HIP1: variants seen among roughly 807,000 people sequenced by gnomAD.
The protein encoded by HIP1 is huntingtin-interacting protein 1.
Under a neutral mutation model 147.6 loss-of-function variants are expected in HIP1, and 65 were observed. The observed-to-expected ratio is 0.44, with a 90% confidence interval of 0.36 to 0.54. The LOEUF (loss-of-function observed/expected upper bound fraction) is 0.54. Among genes scored for constraint, HIP1 ranks in the 20% least tolerant of loss-of-function variants. The pLI, the probability that HIP1 is intolerant of heterozygous loss-of-function variation, is 0.00. For synonymous variants in HIP1, 479 were observed against 504.0 expected (o/e 0.95, Z 0.67); for missense variants, 1,061 against 1,299.6 (o/e 0.82, Z 2.82).
chr7:75,666,804 AG>A (rs2117233760), intron 1 of HIP1, among the ~76,000 whole-genome samples: 1 of 152,306 alleles, frequency 6.6e-6, no homozygotes, highest in South Asian at 2.1e-4. Flanking sequence ...AGGTGCTAAA[AG>A]GTTAAATAAT....
intron 1 of HIP1, among the ~76,000 whole-genome samples, chr7:75,726,025 G>C (rs1225963444): frequency 6.6e-6 from 1 of 151,996 alleles, no homozygotes; most frequent in Non-Finnish European, 1.5e-5. Flanking sequence ...TTGTAGTTTA[G>C]CTGAGACGCG....
intron 1 of HIP1, among the ~76,000 whole-genome samples, chr7:75,725,013 G>C (rs1055846113): frequency 6.6e-6 from 1 of 152,104 alleles, no homozygotes; most frequent in Non-Finnish European, 1.5e-5. Flanking sequence ...CTGACTCTGT[G>C]GGGGGAGTTC....
intron 5 of HIP1, 31 bp downstream of exon 5, chr7:75,586,722 G>T (rs782383592): frequency 1.4e-6 from 2 of 1,427,944 alleles, no homozygotes; most frequent in Non-Finnish European, 2.0e-6. Context: ...GGGAGGCGGC[G>T]GTGGCGGCAG....
At chr7:75,555,196 G>GGGGGGT (rs1554492975) in intron 19 of HIP1, among the ~76,000 whole-genome samples, 1 of 3,702 alleles carries the variant, frequency 2.7e-4, no homozygotes, top group Non-Finnish European at 5.0e-4. Context: ...GCGGGGGGGC[G>GGGGGGT]GGGGGGGGGA....
In HIP1 at chr7:75,548,804, G is replaced by T. The variant is rs782706083; in HGVS notation, c.2406+87C>A. 40 of 1,048,318 alleles carry T rather than the reference G, an allele frequency of 3.8e-5. 1 individual carries two copies. In the South Asian group the frequency reaches 5.2e-4, roughly 14 times the overall value. The allele number at this position is 1,048,318 out of a possible 1,614,324, so 64.9% of individuals were successfully genotyped here. A position where few individuals can be genotyped will look rare whatever the true frequency, so the allele number is the denominator to read the frequency against. On this transcript the variant is annotated intron_variant, in intron 23 of 30. Transcript: ENST00000336926. Reference sequence around the variant, plus strand: ...CTTAGGGGGTTGCCATGGCCTTAATGAACGACTGTGACATGTTTAATGAGC... The same window carrying T: ...CTTAGGGGGTTGCCATGGCCTTAATTAACGACTGTGACATGTTTAATGAGC...
At position 75,538,149 on chromosome 7, in the gene HIP1, A is replaced by T; in HGVS notation, c.*23T>A. 1 of 1,593,302 alleles carries T rather than the reference A, an allele frequency of 6.3e-7. No individual in the cohort carries two copies. The highest frequency in any genetic ancestry group is 8.6e-7 in the Non-Finnish European group (1 of 1,161,268). On this transcript the variant is annotated 3_prime_UTR_variant, in exon 31 of 31. Coordinates refer to ENST00000336926, the MANE Select transcript of HIP1 (RefSeq NM_005338.7). ...AGATAGGTAACAAGGATTTACACTG[A>T]CATATGGGGTGTTGGTTTGGCTCTA...
At chr7:75,625,359 G>A (rs1241249141) in intron 1 of HIP1, 2 of 152,666 alleles carry the variant, frequency 1.3e-5, no homozygotes, top group Middle Eastern at 3.4e-3. Flanking sequence ...AGGTCTAGAT[G>A]GGGAGAAAGT....
intron 22 of HIP1, among the ~76,000 whole-genome samples, chr7:75,549,246 C>G (rs1326050888): frequency 6.6e-6 from 1 of 152,156 alleles, no homozygotes; most frequent in Non-Finnish European, 1.5e-5. Flanking sequence ...GCTGCCTCCC[C>G]CTGCAAGGCC....
chr7:75,588,646 C>T (rs1192200045), intron 4 of HIP1, among the ~76,000 whole-genome samples: 1 of 151,786 alleles, frequency 6.6e-6, no homozygotes, highest in Non-Finnish European at 1.5e-5. Flanking sequence ...TGGTGGTGCA[C>T]ACCTGTTTTC....
In HIP1 at chr7:75,566,762, G is replaced by T. The variant is rs782159688; in HGVS notation, c.803+1437C>A. Among the ~76,000 whole-genome samples, 13 of 151,482 alleles carry T rather than the reference G, an allele frequency of 8.6e-5. 1 individual carries two copies. The highest frequency in any genetic ancestry group is 3.2e-4 in the African/African-American group (13 of 40,782). On this transcript the variant is annotated intron_variant, in intron 9 of 30. Transcript: ENST00000336926. ...TGCTAGTGGATTGGACATGGGGGAT[G>T]AGGAAAATGGTGACTTCCAGATCTC...
chr7:75,624,517 GC>G, intron 1 of HIP1, among the ~76,000 whole-genome samples: 1 of 152,260 alleles, frequency 6.6e-6, no homozygotes, highest in East Asian at 1.9e-4. Flanking sequence ...GGCAGGGTAA[GC>G]CCCACCGAAG....
chr7:75,694,081 G>A (rs531167896), intron 1 of HIP1, among the ~76,000 whole-genome samples: 1 of 151,908 alleles, frequency 6.6e-6, no homozygotes, highest in East Asian at 1.9e-4. Context: ...CACCACACCC[G>A]GCTAATTTTT....
chr7:75,543,014 G>C (rs1794395842), intron 27 of HIP1, 40 bp from the exon 28 acceptor site: 11 of 1,584,088 alleles, frequency 6.9e-6, no homozygotes, highest in East Asian at 2.3e-5. Context: ...ACAACACCTA[G>C]AGCAACAAGG....
At chr7:75,722,201 T>C (rs1286695845) in intron 1 of HIP1, among the ~76,000 whole-genome samples, 8 of 152,098 alleles carry the variant, frequency 5.3e-5, no homozygotes, top group African/African-American at 1.9e-4. Flanking sequence ...TCCCAGCTAC[T>C]TGCGAGGCTG....
At position 75,544,042 on chromosome 7, in the gene HIP1, C is replaced by T. The variant is rs369788315; in HGVS notation, c.2766+653G>A. ...AAAAAATTAGCTGGGCGTGGTGGCA[C>T]GTGTCTGTAGTCCCAGCTACTCGGG... On this transcript the variant is annotated intron_variant, in intron 27 of 30. Coordinates refer to ENST00000336926, the MANE Select transcript of HIP1 (RefSeq NM_005338.7). 1.4e-4 allele frequency among the ~76,000 whole-genome samples: 21 copies of T among 152,038 alleles called. No homozygotes were observed. In the East Asian group the frequency reaches 3.1e-3, roughly 22 times the overall value.
intron 23 of HIP1, 125 bp downstream of exon 23, chr7:75,548,766 T>G: frequency 2.7e-6 from 2 of 750,048 alleles, no homozygotes; most frequent in East Asian, 2.5e-5. Context: ...GCCTGGCAAA[T>G]TCTGGTTTCT....
At chr7:75,731,499 A>C (rs1042210796) in intron 1 of HIP1, among the ~76,000 whole-genome samples, 1 of 146,866 alleles carries the variant, frequency 6.8e-6, no homozygotes, top group African/African-American at 2.5e-5. Flanking sequence ...AAAAAAAAAA[A>C]CGCCAGCTCT....
At chr7:75,598,337 C>T (rs1189579937) in intron 2 of HIP1, among the ~76,000 whole-genome samples, 1 of 149,938 alleles carries the variant, frequency 6.7e-6, no homozygotes, top group Non-Finnish European at 1.5e-5. Flanking sequence ...GCAGAGGTTA[C>T]AGTGAGCCGA....
Position 75,556,068 on chromosome 7 carries a change from C to T in HIP1, c.1785G>A (p.Arg595=), listed in dbSNP as rs782201694. The change falls in exon 18 of 31, where the codon CGG becomes CGA. Residue 595 remains arginine, a synonymous_variant. Coordinates refer to ENST00000336926, the MANE Select transcript of HIP1 (RefSeq NM_005338.7). ...AHREEELSAL[R]KELQDTQLKL... is the part of the protein sequence containing the mutation. The stretch of plus-strand genomic sequence containing the variant: ...TGAGCTGAGTGTCCTGCAGTTCTTT[C>T]CGAAGAGCAGATAATTCCTCCTCCC... 80 of 1,614,076 alleles carry T rather than the reference C, an allele frequency of 5.0e-5. No homozygotes were observed. In the Middle Eastern group the frequency reaches 1.2e-3, roughly 23 times the overall value.
Sources: allele counts gnomAD v4.1 joint callset (sites outside exome capture counted in the v4.1 genomes callset), GRCh38; gene constraint gnomAD v4.1.1; transcripts MANE v1.5; gene names NCBI Gene and HGNC (gene_info 2026-07-23, HGNC 2026-07-21).